Variants in HCRTR2 observed in about 807,000 individuals in gnomAD.
HCRTR2 encodes the protein orexin receptor type 2.
In HCRTR2, 22 loss-of-function variants were observed where a neutral mutation model predicts 49.0. The observed-to-expected ratio is 0.45, with a 90% CI of 0.32 to 0.64. The LOEUF (loss-of-function observed/expected upper bound fraction) is 0.64. Ranked by LOEUF, HCRTR2 falls within the 30% of genes least tolerant of loss-of-function variation. HCRTR2 has a pLI of 0.04. For synonymous variants in HCRTR2, 236 were observed against 205.3 expected, an observed-to-expected ratio of 1.15 and a Z score of -1.28; for missense variants, 491 against 559.4, an observed-to-expected ratio of 0.88 and a Z score of 1.23.
downstream of HCRTR2, among the ~76,000 whole-genome samples, chr6:55,282,867 A>G (rs1224099210): frequency 1.3e-5 from 2 of 152,134 alleles, no homozygotes; most frequent in East Asian, 3.9e-4. Context: ...TGAATTAACA[A>G]TAGACATGTT....
intron 1 of HCRTR2, among the ~76,000 whole-genome samples, chr6:55,115,351 G>A (rs557949154): frequency 6.3e-4 from 95 of 151,672 alleles, no homozygotes; most frequent in African/African-American, 2.2e-3. Context: ...AATCAATCAG[G>A]CCAAGTTCAA....
intron 1 of HCRTR2, among the ~76,000 whole-genome samples, chr6:55,122,933 C>A (rs1764221891): frequency 2.4e-5 from 3 of 126,178 alleles, no homozygotes; most frequent in African/African-American, 9.4e-5. Flanking sequence ...CTCTTGGACA[C>A]AAGAAGGGGA....
chr6:55,141,558 G>T (rs1360133282), intron 1 of HCRTR2, among the ~76,000 whole-genome samples: 2 of 151,992 alleles, frequency 1.3e-5, no homozygotes, highest in Non-Finnish European at 2.9e-5. Context: ...TTTGTTTAAA[G>T]AACATTACTT....
chr6:55,199,974 G>C (rs1203378323), intron 1 of HCRTR2, among the ~76,000 whole-genome samples: 1 of 152,200 alleles, frequency 6.6e-6, no homozygotes, highest in Non-Finnish European at 1.5e-5. Context: ...TAAATGAGCA[G>C]AGTGTGGTGA....
intron 1 of HCRTR2, among the ~76,000 whole-genome samples, chr6:55,148,695 C>T (rs974377009): frequency 5.3e-5 from 8 of 152,082 alleles, no homozygotes; most frequent in African/African-American, 1.2e-4. Context: ...CTCTGAGATG[C>T]TTCCAATTAA....
At chr6:55,119,791 AT>A (rs1764170538) in intron 1 of HCRTR2, among the ~76,000 whole-genome samples, 1 of 151,696 alleles carries the variant, frequency 6.6e-6, no homozygotes, top group Admixed American at 6.6e-5. Context: ...CCATTTGTCA[AT>A]TTTTGACTTT....
intron 1 of HCRTR2, among the ~76,000 whole-genome samples, chr6:55,114,732 C>A (rs1193633039): frequency 2.0e-5 from 3 of 151,730 alleles, no homozygotes; most frequent in Non-Finnish European, 4.4e-5. Context: ...AAGAAACACT[C>A]CATATTCCAA....
intron 3 of HCRTR2, among the ~76,000 whole-genome samples, chr6:55,257,707 C>T (rs1457212944): frequency 2.6e-5 from 4 of 151,460 alleles, no homozygotes; most frequent in African/African-American, 9.7e-5. Flanking sequence ...TTACATAACT[C>T]TAGCATGGAC....
chr6:55,253,755 T>A (rs1766596849), intron 2 of HCRTR2, among the ~76,000 whole-genome samples: 1 of 152,172 alleles, frequency 6.6e-6, no homozygotes, highest in Non-Finnish European at 1.5e-5. Flanking sequence ...GAGGCCATTA[T>A]CCTTAGCAAA....
At chr6:55,143,368 G>A (rs558970872) in intron 1 of HCRTR2, among the ~76,000 whole-genome samples, 39 of 152,146 alleles carry the variant, frequency 2.6e-4, no homozygotes, top group Admixed American at 2.1e-3. Context: ...TCAATACAAT[G>A]TATCCCACAA....
downstream of HCRTR2, among the ~76,000 whole-genome samples, chr6:55,283,657 A>G (rs186005610): frequency 2.9e-4 from 44 of 152,314 alleles, no homozygotes; most frequent in Non-Finnish European, 4.6e-4. Context: ...TTACTTGAAA[A>G]TTAAACTAAA....
chr6:55,139,552 A>G (rs961610205), intron 1 of HCRTR2, among the ~76,000 whole-genome samples: 1 of 152,184 alleles, frequency 6.6e-6, no homozygotes, highest in African/African-American at 2.4e-5. Flanking sequence ...GATAAATTCC[A>G]AAATCTTTAA....
At chr6:55,137,384 G>A (rs960232646) in intron 1 of HCRTR2, among the ~76,000 whole-genome samples, 3 of 152,088 alleles carry the variant, frequency 2.0e-5, no homozygotes, top group Admixed American at 6.5e-5. Flanking sequence ...TTTAGGGACT[G>A]GTCTTTTAGG....
Position 55,174,581 on chromosome 6 carries a change from G to A in HCRTR2, c.-7G>A, listed in dbSNP as rs756162542. On this transcript the variant is annotated 5_prime_UTR_variant, in exon 1 of 7. Coordinates refer to ENST00000370862, the MANE Select transcript of HCRTR2 (RefSeq NM_001384272.1). ...CAGCATTGAGCGGAACCGGACTTGA[G>A]CCCGTGATGTCCGGCACCAAATTGG... The A allele has an allele frequency of 1.2e-6, 2 of 1,611,900 alleles. No individual in the cohort carries two copies. The highest frequency in any genetic ancestry group is 1.1e-5 in the South Asian group (1 of 91,060).
intron 1 of HCRTR2, among the ~76,000 whole-genome samples, chr6:55,145,666 T>C (rs1046900553): frequency 2.8e-4 from 43 of 152,072 alleles, no homozygotes; most frequent in Non-Finnish European, 5.1e-4. Context: ...CTGCCCGCCT[T>C]GGCCTCCGAA....
At chr6:55,218,615 T>C (rs1376696926) in intron 1 of HCRTR2, among the ~76,000 whole-genome samples, 2 of 152,186 alleles carry the variant, frequency 1.3e-5, no homozygotes, top group Non-Finnish European at 2.9e-5. Flanking sequence ...CTCATTATAC[T>C]TATATCGGAC....
intron 1 of HCRTR2, among the ~76,000 whole-genome samples, chr6:55,189,930 T>C (rs1765288393): frequency 6.6e-6 from 1 of 152,188 alleles, no homozygotes; most frequent in South Asian, 2.1e-4. Flanking sequence ...TACGTGGAGT[T>C]TGAATTGCTA....
intron 1 of HCRTR2, among the ~76,000 whole-genome samples, chr6:55,226,109 A>C (rs570303108): frequency 6.6e-6 from 1 of 152,326 alleles, no homozygotes; most frequent in African/African-American, 2.4e-5. Flanking sequence ...CTTTTATAAA[A>C]TGTCACCAAC....
intron 1 of HCRTR2, among the ~76,000 whole-genome samples, chr6:55,112,361 T>C (rs1240606280): frequency 6.6e-6 from 1 of 151,824 alleles, no homozygotes; most frequent in Non-Finnish European, 1.5e-5. Flanking sequence ...AATTTTGCTG[T>C]TTGCCAGTGA....
Sources: allele counts gnomAD v4.1 joint callset (sites outside exome capture counted in the v4.1 genomes callset), GRCh38; gene constraint gnomAD v4.1.1; transcripts MANE v1.5; gene names NCBI Gene and HGNC (gene_info 2026-07-23, HGNC 2026-07-21).